TMC1: variants seen among roughly 807,000 people sequenced by gnomAD.
TMC1 encodes transmembrane channel-like protein 1.
Under a neutral mutation model 105.8 loss-of-function variants are expected in TMC1, and 84 were observed. The observed-to-expected ratio is 0.79, with a 90% confidence interval of 0.67 to 0.95. The LOEUF is 0.95. TMC1 is among the 40% of genes least tolerant of loss of function. TMC1 has a pLI of 0.00. For missense variants in TMC1, 817 were observed against 914.1 expected (o/e 0.89, Z 1.37); for synonymous variants, 315 against 311.5 (o/e 1.01, Z -0.12).
At chr9:72,764,862 G>A (rs112042724) in intron 12 of TMC1, among the ~76,000 whole-genome samples, 2 of 152,252 alleles carry the variant, frequency 1.3e-5, no homozygotes, top group African/African-American at 4.8e-5. Context: ...AATTGGATAT[G>A]CAAACAAACA....
intron 5 of TMC1, among the ~76,000 whole-genome samples, chr9:72,678,348 C>A (rs1826235406): frequency 6.6e-6 from 1 of 152,000 alleles, no homozygotes; most frequent in Non-Finnish European, 1.5e-5. Flanking sequence ...TTCCCATTTC[C>A]ACATTGAAGA....
chr9:72,802,515 A>T (rs1828493573), intron 17 of TMC1, among the ~76,000 whole-genome samples: 2 of 152,172 alleles, frequency 1.3e-5, no homozygotes, highest in South Asian at 2.1e-4. Flanking sequence ...TTAGATTAGA[A>T]ATCAAAATTA....
In TMC1 at chr9:72,648,611, A is replaced by G. The variant is rs781391084; in HGVS notation, c.-38A>G. 7 of 1,606,788 alleles carry G rather than the reference A, an allele frequency of 4.4e-6. No individual in the cohort carries two copies. The highest frequency in any genetic ancestry group is 2.7e-5 in the African/African-American group (2 of 74,762). ...TCATCCTGCAGTCCCTCTCCAAACT[A>G]GCCAGCCACTGAGACCTTCTGACAG... On this transcript the variant is annotated 5_prime_UTR_variant, in exon 5 of 24. The change abolishes the stop of an existing upstream ORF in the 5' untranslated region. Transcript: ENST00000297784.
In TMC1 at chr9:72,736,985, G is replaced by A. The variant is rs368563951; in HGVS notation, c.363-3134G>A. The stretch of plus-strand genomic sequence containing the variant: ...TACAATAAATATGGCAGTTTACTTT[G>A]AAAAAGACCTAACGTTCCCTGTGGA... On this transcript the variant is annotated intron_variant, in intron 8 of 23. Transcript: ENST00000297784. 6.6e-4 allele frequency among the ~76,000 whole-genome samples: 101 copies of A among 152,214 alleles called. No homozygotes were observed. In the East Asian group the frequency reaches 9.8e-3, roughly 15 times the overall value.
intron 4 of TMC1, among the ~76,000 whole-genome samples, chr9:72,637,242 T>C (rs1291939342): frequency 1.3e-5 from 2 of 151,862 alleles, no homozygotes; most frequent in Non-Finnish European, 2.9e-5. Context: ...TTTTTTGTTT[T>C]CAAGAGCTTA....
chr9:72,606,335 A>T (rs1333771427), intron 2 of TMC1, among the ~76,000 whole-genome samples: 2 of 152,212 alleles, frequency 1.3e-5, no homozygotes, highest in Admixed American at 1.3e-4. Flanking sequence ...TAAGAGAGAG[A>T]GAATCCAAGA....
chr9:72,607,572 C>T (rs1036773869), intron 2 of TMC1, among the ~76,000 whole-genome samples: 7 of 148,924 alleles, frequency 4.7e-5, no homozygotes, highest in Non-Finnish European at 8.9e-5. Context: ...GCCGAGATCG[C>T]GCCACTGCAC....
chr9:72,710,552 A>G (rs550769231), intron 8 of TMC1, among the ~76,000 whole-genome samples: 1 of 152,152 alleles, frequency 6.6e-6, no homozygotes, highest in African/African-American at 2.4e-5. Flanking sequence ...TTTATTTAGG[A>G]TTATGTTTTC....
At chr9:72,542,737 T>C (rs1823699818) in intron 1 of TMC1, among the ~76,000 whole-genome samples, 2 of 150,546 alleles carry the variant, frequency 1.3e-5, no homozygotes, top group East Asian at 4.1e-4. Flanking sequence ...TGGAGTGCAA[T>C]GGCATGATTT....
chr9:72,591,440 A>G (rs1255144116), intron 2 of TMC1, among the ~76,000 whole-genome samples: 1 of 152,220 alleles, frequency 6.6e-6, no homozygotes, highest in Non-Finnish European at 1.5e-5. Flanking sequence ...AAGTGTGAAT[A>G]TGGAGAAGAA....
intron 17 of TMC1, among the ~76,000 whole-genome samples, chr9:72,803,633 A>C (rs1165119890): frequency 6.6e-6 from 1 of 152,174 alleles, no homozygotes; most frequent in East Asian, 1.9e-4. Flanking sequence ...ATGAAAAAAC[A>C]CTCAACATCA....
chr9:72,749,973 G>C (rs372476194), intron 10 of TMC1, among the ~76,000 whole-genome samples: 15 of 152,044 alleles, frequency 9.9e-5, no homozygotes, highest in African/African-American at 3.4e-4. Flanking sequence ...CAGGTGTGGT[G>C]GTGGGTGCCT....
chr9:72,730,494 C>T (rs909960724), intron 8 of TMC1, among the ~76,000 whole-genome samples: 1 of 152,180 alleles, frequency 6.6e-6, no homozygotes, highest in African/African-American at 2.4e-5. Context: ...ACTTGTTGCA[C>T]ATTGGAATTG....
intron 13 of TMC1, among the ~76,000 whole-genome samples, chr9:72,774,470 T>C (rs1280484426): frequency 6.6e-6 from 1 of 152,226 alleles, no homozygotes; most frequent in African/African-American, 2.4e-5. Flanking sequence ...GCATTTCAAT[T>C]GTTCAGTAGC....
intron 10 of TMC1, among the ~76,000 whole-genome samples, chr9:72,743,322 C>T (rs986590958): frequency 1.1e-4 from 16 of 146,672 alleles, no homozygotes; most frequent in Admixed American, 5.4e-4. Flanking sequence ...AGCCGAGATC[C>T]CGCCACTGCA....
At chr9:72,607,838 C>T (rs1824951610) in intron 2 of TMC1, 1 of 151,898 alleles carries the variant, frequency 6.6e-6, no homozygotes, top group Non-Finnish European at 1.5e-5. Context: ...AGCAAACGTC[C>T]CCTATTTCCC....
intron 5 of TMC1, among the ~76,000 whole-genome samples, chr9:72,661,610 A>G (rs1435899202): frequency 6.6e-6 from 1 of 152,150 alleles, no homozygotes; most frequent in African/African-American, 2.4e-5. Flanking sequence ...CACCAGTTAC[A>G]TGTGACTCAT....
chr9:72,833,753 G>A (rs955898655), intron 23 of TMC1, among the ~76,000 whole-genome samples: 1 of 152,096 alleles, frequency 6.6e-6, no homozygotes, highest in African/African-American at 2.4e-5. Flanking sequence ...TTTTTCAGAG[G>A]TTTCCCATGC....
intron 6 of TMC1, among the ~76,000 whole-genome samples, chr9:72,690,668 A>G (rs1440941475): frequency 6.6e-6 from 1 of 152,168 alleles, no homozygotes; most frequent in African/African-American, 2.4e-5. Context: ...TCTGGCCTGC[A>G]TAATTTCTGC....
Sources: allele counts gnomAD v4.1 joint callset (sites outside exome capture counted in the v4.1 genomes callset), GRCh38; gene constraint gnomAD v4.1.1; transcripts MANE v1.5; gene names NCBI Gene and HGNC (gene_info 2026-07-23, HGNC 2026-07-21).